RARB: variants seen among roughly 807,000 people sequenced by gnomAD.
RARB encodes the protein HBV-activated protein.
In RARB, 17 loss-of-function variants were observed where a neutral mutation model predicts 51.9. That is an observed-to-expected ratio of 0.33 (90% CI 0.22 to 0.49). The LOEUF is 0.49. Among genes scored for constraint, RARB ranks in the 20% least tolerant of loss-of-function variants. The probability of loss-of-function intolerance (pLI) is 0.99; values close to 1 mark genes in which losing one functional copy is unlikely to be tolerated. For missense variants in RARB, 369 were observed against 550.8 expected, an observed-to-expected ratio of 0.67 and a Z score of 3.30; for synonymous variants, 215 against 195.4, an observed-to-expected ratio of 1.10 and a Z score of -0.84.
At chr3:25,594,752 C>A in intron 7 of RARB, 74 bp downstream of exon 7, 5 of 1,297,022 alleles carry the variant, frequency 3.9e-6, no homozygotes, top group Non-Finnish European at 3.0e-6. Context: ...TTGCTTTATT[C>A]AATTCAGGAT....
chr3:24,941,315 C>T (rs759458671), intron 2 of RARB, among the ~76,000 whole-genome samples: 6 of 151,836 alleles, frequency 4.0e-5, no homozygotes, highest in African/African-American at 9.7e-5. Context: ...TTTCAAAAAA[C>T]GTAATTCTTA....
chr3:25,261,802 T>A (rs1262390236), intron 5 of RARB, among the ~76,000 whole-genome samples: 1 of 152,178 alleles, frequency 6.6e-6, no homozygotes, highest in Non-Finnish European at 1.5e-5. Flanking sequence ...CCTTCATGCC[T>A]TACATCCCAG....
chr3:25,163,007 T>G (rs890493478), intron 4 of RARB, among the ~76,000 whole-genome samples: 3 of 152,344 alleles, frequency 2.0e-5, no homozygotes, highest in African/African-American at 7.2e-5. Flanking sequence ...AACTGTTCTT[T>G]AAAGTGGCTG....
chr3:25,062,600 A>T (rs1047472395), intron 3 of RARB, among the ~76,000 whole-genome samples: 6 of 151,946 alleles, frequency 3.9e-5, no homozygotes, highest in Non-Finnish European at 8.8e-5. Flanking sequence ...ATAAGTATTG[A>T]TACTTGCTAT....
chr3:25,034,184 C>T (rs145350971), intron 2 of RARB, among the ~76,000 whole-genome samples: 17 of 152,290 alleles, frequency 1.1e-4, no homozygotes, highest in African/African-American at 3.8e-4. Context: ...GTGGCGTATG[C>T]CTGTAATCCC....
chr3:25,243,034 A>G (rs988879684), intron 5 of RARB, among the ~76,000 whole-genome samples: 3 of 151,994 alleles, frequency 2.0e-5, no homozygotes, highest in African/African-American at 7.3e-5. Context: ...ATCCCCTGTA[A>G]GTTGTATTTC....
chr3:25,098,319 T>C (rs775300395), intron 3 of RARB, among the ~76,000 whole-genome samples: 1 of 152,226 alleles, frequency 6.6e-6, no homozygotes, highest in African/African-American at 2.4e-5. Context: ...CTGGTCAGCA[T>C]CCCTTAATCA....
intron 4 of RARB, among the ~76,000 whole-genome samples, chr3:25,133,369 AT>A (rs1454183105): frequency 6.6e-6 from 1 of 151,848 alleles, no homozygotes. Context: ...TTGCCGGGAT[AT>A]TTTTTTCCAA....
At position 25,570,447 on chromosome 3, in the gene RARB, C is replaced by A. The variant is rs563237830; in HGVS notation, c.609+529C>A. ...CTTCTGTGAGAGGACATGTACAAAA[C>A]CCCCAAGCCAGGGCCTAGAAAAGTT... On this transcript the variant is annotated intron_variant, in intron 4 of 7. Coordinates refer to ENST00000330688, the MANE Select transcript of RARB (RefSeq NM_000965.5). Among the ~76,000 whole-genome samples, 6 of 152,334 alleles carry A rather than the reference C, an allele frequency of 3.9e-5. No individual in the cohort carries two copies. The South Asian group carries it at 1.0e-3, about 26-fold the overall frequency.
chr3:25,230,631 C>T (rs879330048), intron 5 of RARB, among the ~76,000 whole-genome samples: 1 of 151,966 alleles, frequency 6.6e-6, no homozygotes, highest in Non-Finnish European at 1.5e-5. Flanking sequence ...ATTATATACA[C>T]ATCACCTGGT....
chr3:25,121,160 A>T (rs575283770), intron 3 of RARB, among the ~76,000 whole-genome samples: 13 of 152,268 alleles, frequency 8.5e-5, no homozygotes, highest in Middle Eastern at 3.4e-3. Context: ...CTATACTGGA[A>T]AGATCATTTC....
intron 3 of RARB, among the ~76,000 whole-genome samples, chr3:25,065,966 CTA>C (rs1342023563): frequency 1.3e-5 from 2 of 152,036 alleles, no homozygotes; most frequent in Non-Finnish European, 2.9e-5. Context: ...TTGCTTTCTT[CTA>C]TGAGTCATTA....
chr3:24,948,897 C>T (rs1402015920), intron 2 of RARB, among the ~76,000 whole-genome samples: 1 of 152,288 alleles, frequency 6.6e-6, no homozygotes, highest in East Asian at 1.9e-4. Flanking sequence ...CAGATTCCAG[C>T]ACTGTGCTTC....
intron 4 of RARB, among the ~76,000 whole-genome samples, chr3:25,134,461 C>T (rs1699999102): frequency 6.6e-6 from 1 of 151,806 alleles, no homozygotes. Context: ...TGCTTCTGAT[C>T]TGCAAAATAA....
intron 3 of RARB, among the ~76,000 whole-genome samples, chr3:25,102,803 G>A (rs1018191921): frequency 6.6e-6 from 1 of 152,126 alleles, no homozygotes; most frequent in Non-Finnish European, 1.5e-5. Context: ...TGTAATCCCA[G>A]CACTTTGGGA....
At chr3:24,937,896 T>C (rs965340187) in intron 2 of RARB, among the ~76,000 whole-genome samples, 6 of 152,300 alleles carry the variant, frequency 3.9e-5, no homozygotes, top group African/African-American at 1.4e-4. Context: ...ACAAAAAATC[T>C]AGAAACAGGG....
intron 1 of RARB, among the ~76,000 whole-genome samples, chr3:24,830,729 T>C (rs978906489): frequency 1.3e-5 from 2 of 151,558 alleles, no homozygotes; most frequent in East Asian, 1.9e-4. Context: ...CTGCCAGTTA[T>C]GGAGGGACCA....
At chr3:25,355,582 T>A (rs1261299494) in intron 5 of RARB, among the ~76,000 whole-genome samples, 4 of 151,546 alleles carry the variant, frequency 2.6e-5, no homozygotes, top group Admixed American at 2.0e-4. Flanking sequence ...TTTAACCTTT[T>A]AAAAAAAAAT....
intron 2 of RARB, among the ~76,000 whole-genome samples, chr3:24,876,110 A>G (rs993592267): frequency 3.9e-5 from 6 of 152,188 alleles, no homozygotes; most frequent in African/African-American, 1.2e-4. Context: ...TCAAGGATAC[A>G]TGATGTCAAT....
Sources: gnomAD v4.1 joint callset for allele counts (sites outside exome capture counted in the v4.1 genomes callset) on GRCh38, gnomAD v4.1.1 for gene constraint, MANE v1.5 for transcripts, NCBI Gene and HGNC (gene_info 2026-07-23, HGNC 2026-07-21) for gene names.